TGS1: variants seen among roughly 807,000 people sequenced by gnomAD.
The protein encoded by TGS1 is trimethylguanosine synthase.
Under a neutral mutation model 92.2 loss-of-function variants are expected in TGS1, and 69 were observed. The observed-to-expected ratio is 0.75, with a 90% CI of 0.62 to 0.91. The LOEUF is 0.91. TGS1 is among the 40% of genes least tolerant of loss of function. TGS1 has a pLI of 0.00. For missense variants in TGS1, 1,062 were observed against 1,001.2 expected, an observed-to-expected ratio of 1.06 and a Z score of -0.82; for synonymous variants, 345 against 338.1, an observed-to-expected ratio of 1.02 and a Z score of -0.22.
chr8:55,796,995 A>G (rs1012067322), intron 7 of TGS1, among the ~76,000 whole-genome samples: 1 of 152,158 alleles, frequency 6.6e-6, no homozygotes, highest in Non-Finnish European at 1.5e-5. Flanking sequence ...TCTCAAAAAA[A>G]AAACACAACC....
At chr8:55,819,931 T>C (rs1446270870) in intron 12 of TGS1, among the ~76,000 whole-genome samples, 2 of 152,182 alleles carry the variant, frequency 1.3e-5, no homozygotes, top group African/African-American at 4.8e-5. Context: ...TGACATTAGG[T>C]TTGTAGTCAC....
At chr8:55,790,590 T>G (rs993610330) in intron 5 of TGS1, among the ~76,000 whole-genome samples, 2 of 152,020 alleles carry the variant, frequency 1.3e-5, no homozygotes, top group Non-Finnish European at 2.9e-5. Flanking sequence ...GATCTTGAAC[T>G]CCTCAGCTCA....
At chr8:55,801,305 C>CT (rs1226943192) in intron 8 of TGS1, among the ~76,000 whole-genome samples, 5 of 152,224 alleles carry the variant, frequency 3.3e-5, no homozygotes, top group African/African-American at 1.2e-4. Context: ...GAGTCTTGCT[C>CT]TGTTGCCCAG....
At chr8:55,801,738 A>G (rs1381388828) in intron 8 of TGS1, among the ~76,000 whole-genome samples, 1 of 148,954 alleles carries the variant, frequency 6.7e-6, no homozygotes, top group Non-Finnish European at 1.5e-5. Context: ...ACAGGCACCT[A>G]CCACCACGCC....
At chr8:55,790,442 C>T in intron 5 of TGS1, 143 bp downstream of exon 5, 6 of 626,686 alleles carry the variant, frequency 9.6e-6, no homozygotes, top group Non-Finnish European at 1.4e-5. Flanking sequence ...AGATTCTGAG[C>T]CTTTGGACCT....
At position 55,786,293 on chromosome 8, in the gene TGS1, A is replaced by T; in HGVS notation, c.395A>T (p.Lys132Ile). ...ATAAAAAAGAAAAAACATCAAAAGA[A>T]ATACTTAGATGAAATTGTGCAAGAA... ...VKIKKKKHQK[K>I]YLDEIVQESW... Residue 132 changes from lysine to isoleucine, a missense_variant, in exon 4 of 13, where the codon AAA becomes ATA. By Grantham distance (102) the Lys-to-Ile change is moderately radical (BLOSUM62 -3). Transcript: ENST00000260129. 1 of 1,560,636 alleles carries T rather than the reference A, an allele frequency of 6.4e-7. No individual in the cohort carries two copies.
intron 12 of TGS1, among the ~76,000 whole-genome samples, chr8:55,814,659 T>TAAAA (rs1186059592): frequency 8.6e-5 from 10 of 116,136 alleles, no homozygotes; most frequent in South Asian, 2.8e-4. Flanking sequence ...CGTCTCTACT[T>TAAAA]AAAAAAAAAA....
At chr8:55,794,514 A>G (rs1811986889) in intron 6 of TGS1, among the ~76,000 whole-genome samples, 1 of 152,250 alleles carries the variant, frequency 6.6e-6, no homozygotes, top group Non-Finnish European at 1.5e-5. Flanking sequence ...CTGTAATCCC[A>G]GCACTTTGGG....
intron 4 of TGS1, chr8:55,789,958 G>T (rs368633204): frequency 1.2e-5 from 5 of 405,122 alleles, no homozygotes; most frequent in African/African-American, 1.0e-4. Context: ...TGTATACATG[G>T]ACAGTTTTAG....
In TGS1 at chr8:55,824,875, T is replaced by A. The variant is rs2130272955; in HGVS notation, c.*172T>A. The A allele has an allele frequency of 2.1e-5, 14 of 681,352 alleles. 1 individual carries two copies. The South Asian group carries it at 2.8e-4, about 13-fold the overall frequency. The allele number at this position is 681,352 out of a possible 1,614,324, so 42.2% of individuals were successfully genotyped here. On this transcript the variant is annotated 3_prime_UTR_variant, in exon 13 of 13. Transcript: ENST00000260129. ...AGTGAAATATTTTGAGATCTTTGAA[T>A]AATTCCTTTAGAGGAATTATACAAA...
At position 55,782,782 on chromosome 8, in the gene TGS1, T is replaced by C; in HGVS notation, c.136T>C (p.Tyr46His). The part of the protein sequence containing the change: ...RKLYNLGLKG[Y>H]YIRDSGNNSG... ...ATTGTACAATTTGGGATTAAAAGGC[T>C]ATTACATCAGAGACAGTGGCAACAA... Residue 46 changes from tyrosine (Y) to histidine (H), a missense_variant, in exon 2 of 13, where the codon TAT (tyrosine) becomes CAT (histidine). Physicochemically the swap from Tyr to His is moderately conservative, Grantham distance 83. Transcript: ENST00000260129. The C allele has an allele frequency of 6.2e-7, 1 of 1,610,942 alleles. No homozygotes were observed. The highest frequency in any genetic ancestry group is 1.7e-4 in the Middle Eastern group (1 of 6,044).
intron 12 of TGS1, among the ~76,000 whole-genome samples, chr8:55,813,411 CTTTT>C (rs1156581059): frequency 6.6e-6 from 1 of 152,052 alleles, no homozygotes; most frequent in African/African-American, 2.4e-5. Flanking sequence ...TTAAACTAGC[CTTTT>C]TTTATTTGTT....
chr8:55,821,667 A>C (rs182524608), intron 12 of TGS1, among the ~76,000 whole-genome samples: 1 of 152,044 alleles, frequency 6.6e-6, no homozygotes, highest in African/African-American at 2.4e-5. Context: ...AGGTCAGGAG[A>C]TCGAGACCAC....
rs1233728436 is a variant in TGS1 at position 55,799,224 on chromosome 8, A to G, written c.1849+4A>G. ...TCCCGCCAGGCAGAAACTGAAGGTAACACTAAATATGCTTCAACTTGCTAA... is the reference window on the plus strand; with the variant it reads ...TCCCGCCAGGCAGAAACTGAAGGTAGCACTAAATATGCTTCAACTTGCTAA... On this transcript the variant is annotated splice_donor_region_variant and intron_variant, in intron 8 of 12. Coordinates refer to ENST00000260129, the MANE Select transcript of TGS1 (RefSeq NM_024831.8). 6.3e-7 allele frequency: 1 copy of G among 1,591,284 alleles called. No homozygotes were observed. The highest frequency in any genetic ancestry group is 1.4e-5 in the African/African-American group (1 of 73,522).
intron 11 of TGS1, among the ~76,000 whole-genome samples, chr8:55,811,575 C>T (rs1344984089): frequency 3.3e-5 from 5 of 151,914 alleles, no homozygotes; most frequent in Admixed American, 6.6e-5. Flanking sequence ...TCCTGGCTAA[C>T]ACGGTGAAAC....
chr8:55,782,601 A>G, intron 1 of TGS1, 147 bp from the exon 2 acceptor site: 1 of 569,622 alleles, frequency 1.8e-6, no homozygotes, highest in South Asian at 2.9e-5. Context: ...TATTGCCTCT[A>G]CATTATAAGT....
At chr8:55,782,150 ATTTATTT>A (rs56267273) in intron 1 of TGS1, among the ~76,000 whole-genome samples, 88,282 of 145,762 alleles carry the variant, frequency 0.61, 26,387 homozygotes, top group Non-Finnish European at 0.65. Flanking sequence ...CTTACACTTT[ATTTATTT>A]ATTTATTTAT....
At chr8:55,794,379 A>G (rs1811979626) in intron 6 of TGS1, among the ~76,000 whole-genome samples, 1 of 152,196 alleles carries the variant, frequency 6.6e-6, no homozygotes. Context: ...TTATTGCTGA[A>G]TAGAATTCCA....
rs80296527 is a variant in TGS1 at position 55,792,593 on chromosome 8, G to T, written c.1281-105G>T. ...TTTGTGAACTATGGTTGACTATGGT[G>T]TTGGGAAGTTTGCATGGGTCAATTA... On this transcript the variant is annotated intron_variant, in intron 5 of 12. Transcript: ENST00000260129. 3,526 of 704,072 alleles carry T rather than the reference G, an allele frequency of 5.0e-3. 103 individuals carry two copies. In the African/African-American group the frequency reaches 0.056, roughly 11 times the overall value. 43.6% of individuals were successfully genotyped at this position (704,072 alleles called of 1,614,324 possible).
Sources: gnomAD v4.1 joint callset for allele counts (sites outside exome capture counted in the v4.1 genomes callset) on GRCh38, gnomAD v4.1.1 for gene constraint, MANE v1.5 for transcripts, NCBI Gene and HGNC (gene_info 2026-07-23, HGNC 2026-07-21) for gene names.